SYNPO2: variants seen among roughly 807,000 people sequenced by gnomAD.
The protein encoded by SYNPO2 is synaptopodin-2.
Under a neutral mutation model 85.0 loss-of-function variants are expected in SYNPO2, and 56 were observed. The observed-to-expected ratio is 0.66, with a 90% CI of 0.53 to 0.82. The LOEUF is 0.82. SYNPO2 is among the 40% of genes least tolerant of loss of function. SYNPO2 has a pLI of 0.00. For missense variants in SYNPO2, 1,575 were observed against 1,534.2 expected (o/e 1.03, Z -0.44); for synonymous variants, 602 against 591.1 (o/e 1.02, Z -0.27).
chr4:119,025,854 T>G (rs916995219), intron 2 of SYNPO2, among the ~76,000 whole-genome samples: 11 of 152,198 alleles, frequency 7.2e-5, no homozygotes, highest in Admixed American at 7.2e-4. Flanking sequence ...AACCCAAATT[T>G]GCACAGACAA....
intron 1 of SYNPO2, among the ~76,000 whole-genome samples, chr4:118,894,374 G>A (rs1254635638): frequency 5.3e-5 from 8 of 152,134 alleles, no homozygotes; most frequent in South Asian, 2.1e-4. Context: ...CTGGGTCAGC[G>A]GGAGTGGGGA....
upstream of SYNPO2, among the ~76,000 whole-genome samples, chr4:118,887,518 C>A (rs1007922131): frequency 6.6e-6 from 1 of 152,084 alleles, no homozygotes; most frequent in African/African-American, 2.4e-5. Flanking sequence ...TTGATTGAAT[C>A]CACCACCACT....
chr4:118,855,695 A>G lies in SYNPO2; in HGVS notation c.12+4755A>G, dbSNP rs181882071. ...TATTTTTCAGGAAAATGTCAGTGAC[A>G]TGATATTAGAGATGTTTATGACTAA... is the stretch of plus-strand genomic sequence containing the variant. On this transcript the variant is annotated intron_variant, in intron 1 of 4. Coordinates refer to the SYNPO2 transcript ENST00000610556. 3.6e-3 allele frequency among the ~76,000 whole-genome samples: 541 copies of G among 152,296 alleles called. 4 individuals are homozygous for G. Among genetic ancestry groups the G allele is most frequent in the African/African-American group, 0.012 (506 of 41,576 alleles).
Position 119,026,894 on chromosome 4 carries a change from A to C in SYNPO2, c.525A>C (p.Arg175Ser). 1.2e-6 allele frequency: 2 copies of C among 1,614,136 alleles called. No homozygotes were observed. Among genetic ancestry groups the C allele is most frequent in the Non-Finnish European group, 1.7e-6 (2 of 1,180,022 alleles). Reference protein sequence around the residue: ...QRAPQMPDSQRGRVAEELILR... With the variant: ...QRAPQMPDSQSGRVAEELILR... ...CTCCCCAAATGCCTGACTCCCAAAG[A>C]GGACGCGTGGCAGAAGAGCTGATCT... Residue 175 changes from arginine (R) to serine (S), a missense_variant, in exon 3 of 5, where the codon AGA (arginine) becomes AGC (serine). Transcript: ENST00000307142.
chr4:118,902,001 C>G (rs1365247524), intron 1 of SYNPO2, among the ~76,000 whole-genome samples: 2 of 149,264 alleles, frequency 1.3e-5, no homozygotes, highest in Non-Finnish European at 3.0e-5. Flanking sequence ...GGTACAGGAG[C>G]CCTGAGACAG....
At chr4:118,861,242 T>TC (rs1241024497) in intron 1 of SYNPO2, among the ~76,000 whole-genome samples, 2 of 152,136 alleles carry the variant, frequency 1.3e-5, no homozygotes, top group Non-Finnish European at 2.9e-5. Flanking sequence ...AACCTCCACC[T>TC]CCCAGGTTCA....
At chr4:119,010,062 C>T (rs80140169) in intron 1 of SYNPO2, among the ~76,000 whole-genome samples, 5,150 of 152,164 alleles carry the variant, frequency 0.034, 290 homozygotes, top group African/African-American at 0.12. Context: ...GTTCTGAGTA[C>T]TCTATTAGAT....
chr4:119,032,108 G>T, intron 4 of SYNPO2, 81 bp downstream of exon 4: 1 of 1,550,612 alleles, frequency 6.4e-7, no homozygotes, highest in Non-Finnish European at 8.7e-7. Flanking sequence ...ATTGTTTGCA[G>T]TGTTTCTTGA....
At position 119,004,936 on chromosome 4, in the gene SYNPO2, G is replaced by A. The variant is rs879311185; in HGVS notation, c.106-18494G>A. Reference sequence around the variant, plus strand: ...TCACCATTCTAACTGGTGTGAGATGGTATCTCATTGTGGTTTTGATTTGCA... The same window carrying A: ...TCACCATTCTAACTGGTGTGAGATGATATCTCATTGTGGTTTTGATTTGCA... On this transcript the variant is annotated intron_variant, in intron 1 of 4. Transcript: ENST00000307142. Among the ~76,000 whole-genome samples the A allele has an allele frequency of 6.8e-3, 1,036 of 151,924 alleles. 8 individuals are homozygous for A. Among genetic ancestry groups the A allele is most frequent in the Non-Finnish European group, 9.1e-3 (616 of 67,864 alleles).
At chr4:118,954,269 T>C (rs948077834) in intron 1 of SYNPO2, among the ~76,000 whole-genome samples, 3 of 152,226 alleles carry the variant, frequency 2.0e-5, no homozygotes, top group African/African-American at 7.2e-5. Flanking sequence ...TGCCTCCAAA[T>C]GTGCCTTCAA....
intron 1 of SYNPO2, among the ~76,000 whole-genome samples, chr4:118,872,889 A>G (rs951907598): frequency 6.6e-6 from 1 of 152,058 alleles, no homozygotes; most frequent in Admixed American, 6.5e-5. Flanking sequence ...TGTACACATT[A>G]TTTAGCTCCC....
At chr4:118,933,829 GTTTTTT>G (rs71595334) in intron 1 of SYNPO2, among the ~76,000 whole-genome samples, 1 of 102,318 alleles carries the variant, frequency 9.8e-6, no homozygotes. Flanking sequence ...TGTTGTTGTT[GTTTTTT>G]TTTTTTTTTT....
chr4:118,969,485 C>G (rs1303795464), intron 1 of SYNPO2, among the ~76,000 whole-genome samples: 1 of 151,716 alleles, frequency 6.6e-6, no homozygotes. Context: ...CCCTCTGCTG[C>G]TCTGAGGAGG....
At chr4:118,956,159 C>T (rs1429466335) in intron 1 of SYNPO2, among the ~76,000 whole-genome samples, 3 of 152,064 alleles carry the variant, frequency 2.0e-5, no homozygotes, top group Non-Finnish European at 2.9e-5. Flanking sequence ...GTTTTGAAGA[C>T]ACTGATTTGG....
intron 4 of SYNPO2, chr4:119,038,567 G>C (rs1738608349): frequency 2.0e-6 from 2 of 985,250 alleles, no homozygotes; most frequent in Admixed American, 1.2e-4. Context: ...ATGTAACTCA[G>C]GGAACTTTCT....
At chr4:118,981,620 G>T (rs901003442) in intron 1 of SYNPO2, among the ~76,000 whole-genome samples, 1 of 152,268 alleles carries the variant, frequency 6.6e-6, no homozygotes, top group Non-Finnish European at 1.5e-5. Flanking sequence ...TTAGGGGGTT[G>T]CCCTAGAGGA....
At chr4:118,893,744 C>T (rs1026672691) in intron 1 of SYNPO2, among the ~76,000 whole-genome samples, 23 of 152,120 alleles carry the variant, frequency 1.5e-4, no homozygotes, top group African/African-American at 5.5e-4. Flanking sequence ...GATTCACAAC[C>T]ACTGCTATAG....
chr4:118,966,882 G>A (rs1389170527), intron 1 of SYNPO2, among the ~76,000 whole-genome samples: 1 of 152,152 alleles, frequency 6.6e-6, no homozygotes, highest in Non-Finnish European at 1.5e-5. Context: ...CAGGTCAGCA[G>A]GTCCTTCCTT....
At chr4:119,000,731 C>A (rs1447915331) in intron 1 of SYNPO2, among the ~76,000 whole-genome samples, 1 of 152,160 alleles carries the variant, frequency 6.6e-6, no homozygotes, top group Non-Finnish European at 1.5e-5. Context: ...GGGAGGTGGA[C>A]AGGAGAGAGA....
Sources: allele counts gnomAD v4.1 joint callset (sites outside exome capture counted in the v4.1 genomes callset), GRCh38; gene constraint gnomAD v4.1.1; transcripts MANE v1.5; gene names NCBI Gene and HGNC (gene_info 2026-07-23, HGNC 2026-07-21).